The following LRRC1 variants were observed in gnomAD, a reference collection of about 807,000 sequenced individuals.
LRRC1 encodes the protein leucine rich repeat containing 1, also known as leucine-rich repeat-containing protein 1.
A neutral mutation model predicts 69.9 loss-of-function variants in LRRC1; 28 were observed. That is an observed-to-expected ratio of 0.40 (90% CI 0.30 to 0.55). The LOEUF is 0.55. Ranked by LOEUF, LRRC1 falls within the 20% of genes least tolerant of loss-of-function variation. The pLI is 0.47. For synonymous variants in LRRC1, 236 were observed against 240.2 expected (o/e 0.98, Z 0.16); for missense variants, 498 against 609.0 (o/e 0.82, Z 1.92).
chr6:53,852,986 T>A (rs1766187569), intron 2 of LRRC1, among the ~76,000 whole-genome samples: 1 of 152,204 alleles, frequency 6.6e-6, no homozygotes, highest in Non-Finnish European at 1.5e-5. Context: ...AGATTCAGCG[T>A]CTCATGAATA....
intron 2 of LRRC1, among the ~76,000 whole-genome samples, chr6:53,875,073 A>G (rs1767020962): frequency 6.6e-6 from 1 of 152,246 alleles, no homozygotes; most frequent in Non-Finnish European, 1.5e-5. Context: ...GGCATCTTGT[A>G]CAGGCTGATG....
At chr6:53,913,828 A>C in intron 10 of LRRC1, 26 bp from the exon 11 acceptor site, 1 of 1,523,534 alleles carries the variant, frequency 6.6e-7, no homozygotes, top group Non-Finnish European at 9.1e-7. Flanking sequence ...AACTGGAAAA[A>C]AGATGTATTT....
At chr6:53,883,333 T>C (rs945408810) in intron 4 of LRRC1, among the ~76,000 whole-genome samples, 12 of 152,216 alleles carry the variant, frequency 7.9e-5, no homozygotes, top group African/African-American at 2.9e-4. Flanking sequence ...TTTTAAACCA[T>C]GCTGGAGAGC....
chr6:53,870,583 C>G (rs1446721565), intron 2 of LRRC1, among the ~76,000 whole-genome samples: 1 of 152,096 alleles, frequency 6.6e-6, no homozygotes, highest in Non-Finnish European at 1.5e-5. Context: ...GCATAGTGAT[C>G]AAATCAGGGT....
chr6:53,837,190 A>G (rs1034927292), intron 1 of LRRC1, among the ~76,000 whole-genome samples: 2 of 94,354 alleles, frequency 2.1e-5, no homozygotes, highest in Non-Finnish European at 4.8e-5. Flanking sequence ...TTTTATATAT[A>G]TATTCTGGAA....
At position 53,814,970 on chromosome 6, in the gene LRRC1, CTT is replaced by C. The variant is rs748353491; in HGVS notation, c.159+19556_159+19557del. 8.7e-4 allele frequency among the ~76,000 whole-genome samples: 133 copies of C among 152,330 alleles called. 1 individual carries two copies. The highest frequency in any genetic ancestry group is 1.8e-3 in the Admixed American group (28 of 15,312). ...GTAAACCAGGCTCACCGCCGAGCCT[CTT>C]GTGTATAAGGAACTAGGCTGTCTTT... On this transcript the variant is annotated intron_variant, in intron 1 of 13. Coordinates refer to ENST00000370888, the MANE Select transcript of LRRC1 (RefSeq NM_018214.5).
chr6:53,824,917 C>T (rs1765215042), intron 1 of LRRC1, among the ~76,000 whole-genome samples: 1 of 152,224 alleles, frequency 6.6e-6, no homozygotes, highest in Admixed American at 6.5e-5. Context: ...CCAGAGGACC[C>T]TGACACATTT....
rs1381628045 is a variant in LRRC1, at chr6:53,900,241, G to GT, written c.787+352dup. Among the ~76,000 whole-genome samples the GT allele has an allele frequency of 2.0e-5, 3 of 151,854 alleles. No homozygotes were observed. In the East Asian group the frequency reaches 5.8e-4, roughly 29 times the overall value. ...TTTAGTAGAGACGGGGTTTCACCCTGTTAGCCAGGATGGTCTCGTTCTCCT... is the reference window on the plus strand; with the variant it reads ...TTTAGTAGAGACGGGGTTTCACCCTGTTTAGCCAGGATGGTCTCGTTCTCCT... On this transcript the variant is annotated intron_variant, in intron 8 of 13. Coordinates refer to ENST00000370888, the MANE Select transcript of LRRC1 (RefSeq NM_018214.5).
At chr6:53,900,030 T>TTTG in intron 8 of LRRC1, 139 bp downstream of exon 8, 1 of 272,500 alleles carries the variant, frequency 3.7e-6, no homozygotes, top group Non-Finnish European at 5.2e-6. Context: ...GTTTTTTTTT[T>TTTG]TTTTTTTTTT....
At chr6:53,802,460 G>A (rs998542303) in intron 1 of LRRC1, among the ~76,000 whole-genome samples, 2 of 152,124 alleles carry the variant, frequency 1.3e-5, no homozygotes, top group Non-Finnish European at 2.9e-5. Context: ...TTTGTGGGAC[G>A]CCAAATACAA....
At chr6:53,805,070 A>G (rs1303601082) in intron 1 of LRRC1, among the ~76,000 whole-genome samples, 5 of 152,016 alleles carry the variant, frequency 3.3e-5, no homozygotes, top group South Asian at 2.1e-4. Context: ...CTTGAGTGCA[A>G]TTCTTTTCCG....
chr6:53,855,100 C>T (rs1340802293), intron 2 of LRRC1, among the ~76,000 whole-genome samples: 1 of 152,174 alleles, frequency 6.6e-6, no homozygotes, highest in East Asian at 1.9e-4. Context: ...TTTGGGCTTC[C>T]TGGTACCCAG....
At position 53,919,681 on chromosome 6, in the gene LRRC1, T is replaced by G; in HGVS notation, c.1279+11T>G. The G allele has an allele frequency of 6.2e-7, 1 of 1,611,168 alleles. No homozygotes were observed. The highest frequency in any genetic ancestry group is 2.2e-5 in the East Asian group (1 of 44,832). On this transcript the variant is annotated intron_variant, in intron 12 of 13. Transcript: ENST00000370888. The stretch of plus-strand genomic sequence containing the variant: ...AACCTACTTGTCAAGGTGAATTTAA[T>G]TTAAGGACAGTATTCACAGGGCCAC...
At chr6:53,917,516 A>G (rs1441329595) in intron 11 of LRRC1, among the ~76,000 whole-genome samples, 1 of 152,210 alleles carries the variant, frequency 6.6e-6, no homozygotes, top group Non-Finnish European at 1.5e-5. Context: ...GTGATTTATT[A>G]ATATTATTGA....
intron 2 of LRRC1, among the ~76,000 whole-genome samples, chr6:53,854,407 A>G (rs1167106175): frequency 6.6e-6 from 1 of 152,248 alleles, no homozygotes; most frequent in Non-Finnish European, 1.5e-5. Flanking sequence ...GTGAAATATA[A>G]AGAAACATTG....
At chr6:53,908,605 C>T (rs1768311364) in intron 10 of LRRC1, among the ~76,000 whole-genome samples, 1 of 152,082 alleles carries the variant, frequency 6.6e-6, no homozygotes, top group African/African-American at 2.4e-5. Flanking sequence ...AATTCCTAAA[C>T]TTGAAATAAG....
intron 2 of LRRC1, among the ~76,000 whole-genome samples, chr6:53,872,659 C>G (rs889259556): frequency 6.7e-6 from 1 of 149,736 alleles, no homozygotes; most frequent in Non-Finnish European, 1.5e-5. Context: ...TTTTCTATTT[C>G]TATGAAGAAT....
In LRRC1 at chr6:53,831,776, A is replaced by G. The variant is rs77226007; in HGVS notation, c.160-10334A>G. ...AACTCAGATTAATTTTTGAAGTACT[A>G]TGTCAATGCCTGAGTCTTCCATTTC... On this transcript the variant is annotated intron_variant, in intron 1 of 13. Transcript: ENST00000370888. Among the ~76,000 whole-genome samples the G allele has an allele frequency of 4.4e-3, 664 of 152,292 alleles. 6 individuals carry two copies. The highest frequency in any genetic ancestry group is 0.015 in the African/African-American group (615 of 41,560).
intron 1 of LRRC1, among the ~76,000 whole-genome samples, chr6:53,837,034 A>G (rs1228238142): frequency 6.6e-6 from 1 of 152,188 alleles, no homozygotes; most frequent in Non-Finnish European, 1.5e-5. Flanking sequence ...AGATTCATCC[A>G]TGTCATAACT....
Sources: gnomAD v4.1 joint callset for allele counts (sites outside exome capture counted in the v4.1 genomes callset) on GRCh38, gnomAD v4.1.1 for gene constraint, MANE v1.5 for transcripts, NCBI Gene and HGNC (gene_info 2026-07-23, HGNC 2026-07-21) for gene names.